Variants in SUFU observed in about 807,000 individuals in gnomAD.
The protein encoded by SUFU is suppressor of fused homolog.
A neutral mutation model predicts 58.9 loss-of-function variants in SUFU; 7 were observed. That is an observed-to-expected ratio of 0.12 (90% CI 0.07 to 0.22). SUFU has a LOEUF of 0.22. SUFU is among the 10% of genes least tolerant of loss of function. The pLI is 1.00. For synonymous variants in SUFU, 232 were observed against 254.8 expected (o/e 0.91, Z 0.85); for missense variants, 451 against 641.3 (o/e 0.70, Z 3.20).
chr10:102,574,573 ACT>A (rs2063194736), intron 3 of SUFU, among the ~76,000 whole-genome samples: 1 of 152,186 alleles, frequency 6.6e-6, no homozygotes, highest in African/African-American at 2.4e-5. Flanking sequence ...TAATTGTGCC[ACT>A]ACACTCTAGC....
At chr10:102,627,681 C>G (rs2063798315) in intron 11 of SUFU, among the ~76,000 whole-genome samples, 1 of 152,210 alleles carries the variant, frequency 6.6e-6, no homozygotes, top group African/African-American at 2.4e-5. Context: ...GACTCCTGCT[C>G]TCGCCTCGGG....
At chr10:102,567,635 C>T (rs2063105087) in intron 3 of SUFU, among the ~76,000 whole-genome samples, 1 of 152,096 alleles carries the variant, frequency 6.6e-6, no homozygotes, top group South Asian at 2.1e-4. Flanking sequence ...GAGCTTGAGC[C>T]AGGGGAGGAA....
chr10:102,627,180 G>C lies in SUFU; in HGVS notation c.1302G>C (p.Leu434=). 6.2e-7 allele frequency: 1 copy of C among 1,614,228 alleles called. No individual in the cohort carries two copies. Among genetic ancestry groups the C allele is most frequent in the Non-Finnish European group, 8.5e-7 (1 of 1,180,042 alleles). ...YAAHGPWLQI[L]LTEEFVEKML... is the part of the protein sequence containing the mutation. ...CCTGCCTTGTGCCTTCACAGATTCT[G>C]TTGACCGAAGAGTTTGTAGAGAAAA... is the stretch of plus-strand genomic sequence containing the variant. Residue 434 remains leucine (L), a synonymous_variant, in exon 11 of 12, where the codon CTG becomes CTC. Coordinates refer to ENST00000369902, the MANE Select transcript of SUFU (RefSeq NM_016169.4).
chr10:102,549,333 C>T (rs559171931), intron 2 of SUFU, among the ~76,000 whole-genome samples: 2 of 152,328 alleles, frequency 1.3e-5, no homozygotes, highest in African/African-American at 4.8e-5. Flanking sequence ...GGGTGGCAGG[C>T]ACAAGAGAGT....
chr10:102,531,063 C>T (rs1404874341), intron 2 of SUFU, among the ~76,000 whole-genome samples: 1 of 136,044 alleles, frequency 7.4e-6, no homozygotes, highest in Non-Finnish European at 1.5e-5. Context: ...CATAGCAATA[C>T]CCCATAACCC....
At chr10:102,515,250 G>A (rs1464371540) in intron 2 of SUFU, among the ~76,000 whole-genome samples, 1 of 151,746 alleles carries the variant, frequency 6.6e-6, no homozygotes, top group Admixed American at 6.6e-5. Flanking sequence ...GTTGTTTAGT[G>A]TGGCCTCCGT....
chr10:102,503,577 T>C (rs2062277478), upstream of SUFU, among the ~76,000 whole-genome samples: 1 of 152,160 alleles, frequency 6.6e-6, no homozygotes, highest in Non-Finnish European at 1.5e-5. Context: ...TTTTTGTCAA[T>C]AGCCCTAGAA....
intron 10 of SUFU, among the ~76,000 whole-genome samples, chr10:102,623,417 C>T (rs2063759269): frequency 6.6e-6 from 1 of 152,230 alleles, no homozygotes; most frequent in East Asian, 1.9e-4. Context: ...GACTCTCAGG[C>T]TTCTAGCCCT....
At chr10:102,505,875 G>C (rs1456410998) in intron 1 of SUFU, among the ~76,000 whole-genome samples, 1 of 152,016 alleles carries the variant, frequency 6.6e-6, no homozygotes, top group Non-Finnish European at 1.5e-5. Flanking sequence ...TTAACTATGT[G>C]TTGTGATGAA....
chr10:102,570,262 G>A (rs1272300378), intron 3 of SUFU, among the ~76,000 whole-genome samples: 3 of 151,782 alleles, frequency 2.0e-5, no homozygotes, highest in Non-Finnish European at 4.4e-5. Context: ...TATTTATTGA[G>A]ACGGAGTCTT....
intron 3 of SUFU, among the ~76,000 whole-genome samples, chr10:102,552,378 A>G (rs1256520834): frequency 2.0e-5 from 3 of 152,032 alleles, no homozygotes; most frequent in African/African-American, 7.2e-5. Flanking sequence ...GGCTGCAGTG[A>G]GCCATGATTG....
At chr10:102,607,585 C>G (rs749399462) in intron 8 of SUFU, among the ~76,000 whole-genome samples, 1 of 152,182 alleles carries the variant, frequency 6.6e-6, no homozygotes, top group Non-Finnish European at 1.5e-5. Flanking sequence ...AAAAGCTCAT[C>G]TTCCCTAGTG....
chr10:102,561,717 G>A (rs1277875860), intron 3 of SUFU, among the ~76,000 whole-genome samples: 8 of 134,810 alleles, frequency 5.9e-5, no homozygotes, highest in Middle Eastern at 4.0e-3. Flanking sequence ...TGCTCAGACC[G>A]GAGTCCAGTG....
At chr10:102,591,951 A>C (rs2063407009) in intron 3 of SUFU, among the ~76,000 whole-genome samples, 1 of 152,222 alleles carries the variant, frequency 6.6e-6, no homozygotes, top group Admixed American at 6.5e-5. Context: ...AACATCTCAG[A>C]GACATGGCCT....
At chr10:102,596,827 T>C (rs1422321838) in intron 6 of SUFU, among the ~76,000 whole-genome samples, 1 of 152,020 alleles carries the variant, frequency 6.6e-6, no homozygotes, top group Non-Finnish European at 1.5e-5. Context: ...GGGGACAGGT[T>C]TGGGGCTCTG....
chr10:102,530,470 A>G (rs1245680232), intron 2 of SUFU, among the ~76,000 whole-genome samples: 1 of 103,064 alleles, frequency 9.7e-6, no homozygotes, highest in South Asian at 3.0e-4. Context: ...TTTTTTTTTA[A>G]TGGAGACAGG....
At chr10:102,593,783 T>G in intron 5 of SUFU, 62 bp downstream of exon 5, 1 of 1,527,728 alleles carries the variant, frequency 6.5e-7, no homozygotes, top group Non-Finnish European at 9.1e-7. Context: ...GTCCCTCCAC[T>G]ACCCTCCATG....
rs376752468 is a variant in SUFU, at chr10:102,504,236, G to A, written c.84G>A (p.Ser28=). Residue 28 remains serine, a synonymous_variant, in exon 1 of 12, where the codon TCG becomes TCA. Transcript: ENST00000369902. ...PGPTAPPAFA[S]LFPPGLHAIY... is the part of the protein sequence containing the mutation. ...CGACTGCCCCCCCGGCCTTCGCTTC[G>A]CTCTTTCCCCCGGGACTGCACGCCA... The A allele has an allele frequency of 6.2e-7, 1 of 1,612,802 alleles. No homozygotes were observed. Among genetic ancestry groups the A allele is most frequent in the Non-Finnish European group, 8.5e-7 (1 of 1,179,652 alleles).
chr10:102,526,805 G>T (rs2062613054), intron 2 of SUFU, among the ~76,000 whole-genome samples: 1 of 151,974 alleles, frequency 6.6e-6, no homozygotes, highest in South Asian at 2.1e-4. Context: ...CCTGATGAAG[G>T]TCCTAGGCAG....
Sources: allele counts gnomAD v4.1 joint callset (sites outside exome capture counted in the v4.1 genomes callset), GRCh38; gene constraint gnomAD v4.1.1; transcripts MANE v1.5; gene names NCBI Gene and HGNC (gene_info 2026-07-23, HGNC 2026-07-21).